The following GRIK2 variants were observed in gnomAD, a reference collection of about 807,000 sequenced individuals.
The protein encoded by GRIK2 is glutamate ionotropic receptor kainate type subunit 2, also known as glutamate receptor ionotropic, kainate 2.
Under a neutral mutation model 100.3 loss-of-function variants are expected in GRIK2, and 32 were observed. The observed-to-expected ratio is 0.32, with a 90% CI of 0.24 to 0.43. GRIK2 has a LOEUF of 0.43. Ranked by LOEUF, GRIK2 falls within the 20% of genes least tolerant of loss-of-function variation. The probability of loss-of-function intolerance (pLI) is 1.00; values close to 1 mark genes in which losing one functional copy is unlikely to be tolerated. For synonymous variants in GRIK2, 417 were observed against 389.4 expected (o/e 1.07, Z -0.83); for missense variants, 843 against 1,114.9 (o/e 0.76, Z 3.47).
At chr6:101,638,718 T>G (rs1781140220) in intron 4 of GRIK2, among the ~76,000 whole-genome samples, 1 of 151,958 alleles carries the variant, frequency 6.6e-6, no homozygotes, top group South Asian at 2.1e-4. Flanking sequence ...AGATATATGA[T>G]GACATATGTA....
intron 10 of GRIK2, among the ~76,000 whole-genome samples, chr6:101,836,303 T>C (rs1174810979): frequency 6.6e-6 from 1 of 151,950 alleles, no homozygotes; most frequent in African/African-American, 2.4e-5. Context: ...TTCTCTAGAG[T>C]CTTGATTTGT....
chr6:101,652,580 G>C (rs549937633), intron 4 of GRIK2, among the ~76,000 whole-genome samples: 1 of 152,128 alleles, frequency 6.6e-6, no homozygotes, highest in Non-Finnish European at 1.5e-5. Flanking sequence ...GAAAAGCAGA[G>C]AAATGAAGTG....
rs2243354 is a variant in GRIK2, at chr6:101,889,605, C to CTT, written c.1525-20_1525-19dup. The CTT allele has an allele frequency of 9.8e-4, 700 of 711,572 alleles. 10 individuals carry two copies. The highest frequency in any genetic ancestry group is 1.6e-3 in the South Asian group (63 of 39,492). 44.1% of individuals were successfully genotyped at this position (711,572 alleles called of 1,614,324 possible). On this transcript the variant is annotated intron_variant, in intron 11 of 16. Coordinates refer to ENST00000369134, the MANE Select transcript of GRIK2 (RefSeq NM_021956.5). The stretch of plus-strand genomic sequence containing the variant: ...CAATTTTTTCTCTCTTTCTTTCTTT[C>CTT]TTTTTTTTTTTTTTTTGTTTGTTTC...
intron 14 of GRIK2, among the ~76,000 whole-genome samples, chr6:101,990,941 AC>A (rs998251325): frequency 1.3e-5 from 2 of 151,978 alleles, no homozygotes; most frequent in African/African-American, 4.8e-5. Context: ...ATGCCTTATT[AC>A]AAGTAAATAA....
chr6:101,425,669 A>G (rs1358262884), intron 2 of GRIK2, among the ~76,000 whole-genome samples: 5 of 152,218 alleles, frequency 3.3e-5, no homozygotes, highest in Non-Finnish European at 7.3e-5. Flanking sequence ...CAACTCATGT[A>G]TCACAGGCCA....
chr6:101,553,411 G>T (rs984477162), intron 2 of GRIK2, among the ~76,000 whole-genome samples: 24 of 152,186 alleles, frequency 1.6e-4, no homozygotes, highest in African/African-American at 5.8e-4. Context: ...GATTCGTGAA[G>T]AATTATTTTG....
At chr6:101,740,865 C>T (rs1484633763) in intron 7 of GRIK2, among the ~76,000 whole-genome samples, 1 of 152,128 alleles carries the variant, frequency 6.6e-6, no homozygotes, top group Non-Finnish European at 1.5e-5. Flanking sequence ...ATGGGTAAAG[C>T]ACGAAGCCAT....
intron 2 of GRIK2, among the ~76,000 whole-genome samples, chr6:101,530,604 G>A (rs2518255): frequency 0.9 from 136,717 of 151,978 alleles, 61,686 homozygotes; most frequent in African/African-American, 0.96. Context: ...TACAAATTTG[G>A]CTTTATCTAA....
At chr6:101,400,395 T>A (rs1775232669) in intron 2 of GRIK2, among the ~76,000 whole-genome samples, 1 of 152,124 alleles carries the variant, frequency 6.6e-6, no homozygotes. Context: ...AAAGGAGTTT[T>A]AGTAGGAGCA....
intron 2 of GRIK2, among the ~76,000 whole-genome samples, chr6:101,434,940 G>C (rs902966519): frequency 7.6e-6 from 1 of 131,846 alleles, no homozygotes; most frequent in African/African-American, 2.8e-5. Context: ...TTTTGCTCCT[G>C]AGGAAGAGCC....
At chr6:101,707,594 G>GTATATATATATATA (rs1193552049) in intron 7 of GRIK2, among the ~76,000 whole-genome samples, 78 of 106,064 alleles carry the variant, frequency 7.4e-4, no homozygotes, top group South Asian at 2.2e-3. Context: ...GTGTGTGTGT[G>GTATATATATATATA]TATATATGTG....
At chr6:101,400,877 C>A (rs1775267011) in intron 2 of GRIK2, among the ~76,000 whole-genome samples, 2 of 152,130 alleles carry the variant, frequency 1.3e-5, no homozygotes, top group African/African-American at 2.4e-5. Flanking sequence ...TTTTTTCATG[C>A]CTTTAGATGG....
chr6:101,975,297 T>C, intron 14 of GRIK2, among the ~76,000 whole-genome samples: 1 of 151,996 alleles, frequency 6.6e-6, no homozygotes, highest in South Asian at 2.1e-4. Flanking sequence ...TGGGAATAGA[T>C]GAAATCACCT....
rs762796885 is a variant in GRIK2 at position 102,067,016 on chromosome 6, G to GTTA, written c.2563-1329_2563-1327dup. ...GAATCTTAGGTGTGAACTGTAGAAAGTTATCCAACCTCTCTCTGAATCAGT... is the reference window on the plus strand; with the variant it reads ...GAATCTTAGGTGTGAACTGTAGAAAGTTATTATCCAACCTCTCTCTGAATCAGT... On this transcript the variant is annotated intron_variant, in intron 16 of 16. Transcript: ENST00000369134. Among the ~76,000 whole-genome samples, 9 of 151,622 alleles carry GTTA rather than the reference G, an allele frequency of 5.9e-5. No homozygotes were observed. The East Asian group carries it at 1.4e-3, about 23-fold the overall frequency.
chr6:101,743,379 G>A (rs898207308), intron 7 of GRIK2, among the ~76,000 whole-genome samples: 1 of 152,218 alleles, frequency 6.6e-6, no homozygotes, highest in African/African-American at 2.4e-5. Flanking sequence ...GATGGGTTAA[G>A]TTTGGTGGGC....
At chr6:102,030,684 C>T (rs976932681) in intron 14 of GRIK2, among the ~76,000 whole-genome samples, 1 of 151,166 alleles carries the variant, frequency 6.6e-6, no homozygotes, top group Non-Finnish European at 1.5e-5. Flanking sequence ...TCTCTGTTTA[C>T]TCTTTTTACG....
At chr6:102,054,560 C>G (rs567752033) in intron 15 of GRIK2, among the ~76,000 whole-genome samples, 1 of 152,012 alleles carries the variant, frequency 6.6e-6, no homozygotes, top group Admixed American at 6.6e-5. Context: ...TATTACTTAT[C>G]ATGTAATATC....
chr6:101,857,718 A>G (rs1311622839), intron 10 of GRIK2, among the ~76,000 whole-genome samples: 4 of 152,246 alleles, frequency 2.6e-5, no homozygotes, highest in Non-Finnish European at 1.5e-5. Context: ...TATTCATAGC[A>G]GCACAGTCTG....
At chr6:102,012,623 T>A (rs1163783171) in intron 14 of GRIK2, among the ~76,000 whole-genome samples, 1 of 152,158 alleles carries the variant, frequency 6.6e-6, no homozygotes, top group Non-Finnish European at 1.5e-5. Context: ...CAAATAGTAA[T>A]GTGTTTGTTT....
Sources: gnomAD v4.1 joint callset for allele counts (sites outside exome capture counted in the v4.1 genomes callset) on GRCh38, gnomAD v4.1.1 for gene constraint, MANE v1.5 for transcripts, NCBI Gene and HGNC (gene_info 2026-07-23, HGNC 2026-07-21) for gene names.